MEI1: variants seen among roughly 807,000 people sequenced by gnomAD.
The protein encoded by MEI1 is meiosis inhibitor protein 1.
MEI1 carries 103 observed loss-of-function variants against 146.2 expected under a neutral mutation model. That is an observed-to-expected ratio of 0.70 (90% CI 0.60 to 0.83). The LOEUF (loss-of-function observed/expected upper bound fraction) is 0.83, where lower values mean the gene tolerates loss of function less well. Ranked by LOEUF, MEI1 falls within the 40% of genes least tolerant of loss-of-function variation. MEI1 has a pLI of 0.00. For synonymous variants in MEI1, 652 were observed against 628.2 expected (o/e 1.04, Z -0.57); for missense variants, 1,529 against 1,533.0 (o/e 1.00, Z 0.04).
chr22:41,794,946 C>G (rs754237339), intron 28 of MEI1, among the ~76,000 whole-genome samples: 2 of 152,208 alleles, frequency 1.3e-5, no homozygotes, highest in Non-Finnish European at 2.9e-5. Flanking sequence ...GGATCATCAA[C>G]AAGTACATCA....
rs748954338 is a variant in MEI1 at position 41,795,502 on chromosome 22, C to G, written c.3626C>G (p.Ser1209Trp). ...GCTTTGGCTGACCTGTCTACCCTCTCGAACACCACACTCCAGGCCCTGCAT... is the reference window on the plus strand; with the variant it reads ...GCTTTGGCTGACCTGTCTACCCTCTGGAACACCACACTCCAGGCCCTGCAT... ...GVALADLSTL[S>W]NTTLQALHGF... Residue 1209 changes from serine (S) to tryptophan (W), a missense_variant, in exon 29 of 31, where the codon TCG becomes TGG. Transcript: ENST00000401548. The surrounding 1 kb of genome is among the most constrained non-coding windows in gnomAD (Gnocchi z 4.2). 1.9e-6 allele frequency: 3 copies of G among 1,613,252 alleles called. No homozygotes were observed. Among genetic ancestry groups the G allele is most frequent in the Admixed American group, 1.7e-5 (1 of 59,916 alleles).
chr22:41,734,129 A>AAAAATAAAATAAAAT lies in MEI1; in HGVS notation c.1331+1540_1331+1554dup, dbSNP rs57256126. On this transcript the variant is annotated intron_variant, in intron 11 of 30. Coordinates refer to ENST00000401548, the MANE Select transcript of MEI1 (RefSeq NM_152513.4). ...GGTAACAGAGTGAAATTCTGTCTCA[A>AAAAATAAAATAAAAT]AAAATAAAATAAAATAAAATAAAAT... 9.9e-3 allele frequency among the ~76,000 whole-genome samples: 1,493 copies of AAAAATAAAATAAAAT among 150,896 alleles called. 29 individuals are homozygous for AAAAATAAAATAAAAT. Among genetic ancestry groups the AAAAATAAAATAAAAT allele is most frequent in the African/African-American group, 0.036 (1,434 of 40,330 alleles).
At chr22:41,798,472 G>A (rs1425660415) in intron 30 of MEI1, among the ~76,000 whole-genome samples, 1 of 152,060 alleles carries the variant, frequency 6.6e-6, no homozygotes, top group Admixed American at 6.6e-5. Flanking sequence ...CAGCTACCCA[G>A]GAGGCTGAGG....
chr22:41,783,551 C>T (rs1283993514), intron 24 of MEI1, among the ~76,000 whole-genome samples: 1 of 152,160 alleles, frequency 6.6e-6, no homozygotes, highest in African/African-American at 2.4e-5. Flanking sequence ...CTCAGCATCC[C>T]GAAGTGCTGG....
chr22:41,765,403 C>T (rs748031211), intron 19 of MEI1, among the ~76,000 whole-genome samples: 9 of 152,106 alleles, frequency 5.9e-5, no homozygotes, highest in Non-Finnish European at 8.8e-5. Flanking sequence ...ATTACTTGAG[C>T]GCAAGAGGTC....
chr22:41,734,318 C>T (rs1000361492), intron 11 of MEI1, among the ~76,000 whole-genome samples: 5 of 149,446 alleles, frequency 3.3e-5, no homozygotes, highest in Admixed American at 1.3e-4. Flanking sequence ...GTAGACGGGG[C>T]GCGGTGGCTC....
chr22:41,733,643 G>A (rs954871717), intron 11 of MEI1, among the ~76,000 whole-genome samples: 17 of 151,674 alleles, frequency 1.1e-4, no homozygotes, highest in Admixed American at 2.0e-4. Flanking sequence ...AGCTACTCAG[G>A]AGGCTGAGGC....
At chr22:41,751,882 C>T (rs2073778118) in intron 15 of MEI1, among the ~76,000 whole-genome samples, 1 of 151,426 alleles carries the variant, frequency 6.6e-6, no homozygotes, top group Admixed American at 6.6e-5. Context: ...CCATCCTGGC[C>T]AACATGGTGA....
At chr22:41,757,580 C>G (rs746710410) in intron 17 of MEI1, among the ~76,000 whole-genome samples, 7 of 152,078 alleles carry the variant, frequency 4.6e-5, no homozygotes, top group African/African-American at 1.7e-4. Flanking sequence ...TGGTCTTGAA[C>G]TCCTGACCTC....
intron 3 of MEI1, among the ~76,000 whole-genome samples, chr22:41,711,431 GA>G (rs1223326498): frequency 6.6e-6 from 1 of 152,142 alleles, no homozygotes; most frequent in African/African-American, 2.4e-5. Context: ...CCCCCCGGGG[GA>G]TTTTCCTTCA....
chr22:41,794,048 A>C, intron 27 of MEI1, 138 bp downstream of exon 27: 1 of 849,598 alleles, frequency 1.2e-6, no homozygotes, highest in East Asian at 2.6e-5. Context: ...CAGCACTGCA[A>C]GGGCAGTCAT....
intron 7 of MEI1, among the ~76,000 whole-genome samples, chr22:41,726,267 A>G (rs181871738): frequency 6.4e-4 from 98 of 152,300 alleles, no homozygotes; most frequent in African/African-American, 2.3e-3. Flanking sequence ...AGTTTAGTCC[A>G]TTTCAGAGTT....
chr22:41,743,982 T>G (rs1304501117), intron 12 of MEI1, among the ~76,000 whole-genome samples: 2 of 152,014 alleles, frequency 1.3e-5, no homozygotes, highest in African/African-American at 4.8e-5. Context: ...GTTCCAGTGA[T>G]TCTCCTGCCT....
chr22:41,758,506 T>G lies in MEI1; in HGVS notation c.2093T>G (p.Phe698Cys). 4 of 1,613,444 alleles carry G rather than the reference T, an allele frequency of 2.5e-6. No individual in the cohort carries two copies. The highest frequency in any genetic ancestry group is 2.5e-6 in the Non-Finnish European group (3 of 1,179,604). Residue 698 changes from phenylalanine (F) to cysteine (C), a missense_variant, in exon 18 of 31, where the codon TTC (phenylalanine) becomes TGC (cysteine). Phe to Cys is a radical substitution (Grantham distance 205, BLOSUM62 -2). This residue lies in a region of MEI1 where 1,212 missense variants were observed against 1,178.9 expected (regional missense o/e 1.03). Coordinates refer to ENST00000401548, the MANE Select transcript of MEI1 (RefSeq NM_152513.4). The part of the protein sequence containing the change: ...RQRQYCILLL[F>C]YLAYIHEDRF... ...AGACAGTACTGCATCCTGCTCCTCT[T>G]CTACTTGGCCTACATCCATGAAGAC...
chr22:41,727,846 A>G (rs1216141678), intron 7 of MEI1, among the ~76,000 whole-genome samples: 1 of 152,088 alleles, frequency 6.6e-6, no homozygotes, highest in Admixed American at 6.5e-5. Flanking sequence ...GTGAAACCTT[A>G]CCTACTGAGG....
chr22:41,744,904 C>A, intron 12 of MEI1, 69 bp from the exon 13 acceptor site: 2 of 915,820 alleles, frequency 2.2e-6, no homozygotes, highest in South Asian at 2.3e-5. Context: ...GGTCTACAGT[C>A]ATCCAAGCAT....
At chr22:41,727,845 TA>T (rs2071503313) in intron 7 of MEI1, among the ~76,000 whole-genome samples, 2 of 152,270 alleles carry the variant, frequency 1.3e-5, no homozygotes, top group East Asian at 3.9e-4. Context: ...TGTGAAACCT[TA>T]CCTACTGAGG....
chr22:41,793,983 C>T, intron 27 of MEI1, 73 bp downstream of exon 27: 2 of 1,347,752 alleles, frequency 1.5e-6, no homozygotes, highest in Non-Finnish European at 2.1e-6. Context: ...CACCCTCCTG[C>T]TCCAGCCTTC....
intron 24 of MEI1, 100 bp from the exon 25 acceptor site, chr22:41,784,239 G>A (rs1602142486): frequency 3.0e-6 from 3 of 1,011,658 alleles, no homozygotes; most frequent in East Asian, 2.4e-5. Flanking sequence ...TGATGCAGTG[G>A]ATATGTGGGG....
Sources: gnomAD v4.1 joint callset for allele counts (sites outside exome capture counted in the v4.1 genomes callset) on GRCh38, gnomAD v4.1.1 for gene constraint, gnomAD v4.1.1 regional missense constraint, Gnocchi (gnomAD v3.1) non-coding constraint, MANE v1.5 for transcripts, NCBI Gene and HGNC (gene_info 2026-07-23, HGNC 2026-07-21) for gene names.